Variants in IGF1R observed in about 807,000 individuals in gnomAD.
IGF1R encodes the protein insulin like growth factor 1 receptor.
A neutral mutation model predicts 144.6 loss-of-function variants in IGF1R; 44 were observed. The ratio of observed to expected loss-of-function variants is 0.30; its 90% CI spans 0.24 to 0.39. IGF1R has a LOEUF of 0.39. IGF1R is among the 10% of genes least tolerant of loss of function. The pLI is 1.00. For missense variants in IGF1R, 1,355 were observed against 1,833.7 expected (o/e 0.74, Z 4.77); for synonymous variants, 795 against 722.8 (o/e 1.10, Z -1.60).
chr15:98,823,379 G>T (rs2056837006), intron 2 of IGF1R, among the ~76,000 whole-genome samples: 1 of 152,176 alleles, frequency 6.6e-6, no homozygotes, highest in East Asian at 1.9e-4. Flanking sequence ...AGGAGTAATG[G>T]TTTAAGCTGT....
At chr15:98,790,759 A>G (rs556436198) in intron 2 of IGF1R, among the ~76,000 whole-genome samples, 1 of 152,366 alleles carries the variant, frequency 6.6e-6, no homozygotes, top group African/African-American at 2.4e-5. Context: ...CTACTGTCTT[A>G]CAAAATTTAG....
At chr15:98,736,140 A>G (rs910818520) in intron 2 of IGF1R, among the ~76,000 whole-genome samples, 1 of 152,218 alleles carries the variant, frequency 6.6e-6, no homozygotes, top group Non-Finnish European at 1.5e-5. Flanking sequence ...AAGAGTGGCG[A>G]TGATGGGAGA....
intron 2 of IGF1R, among the ~76,000 whole-genome samples, chr15:98,830,753 G>A (rs914412549): frequency 7.2e-5 from 11 of 152,004 alleles, no homozygotes; most frequent in East Asian, 3.9e-4. Context: ...ACAGGTGTGC[G>A]CCACCACACC....
chr15:98,690,410 C>G (rs1412795653), intron 1 of IGF1R, among the ~76,000 whole-genome samples: 2 of 152,106 alleles, frequency 1.3e-5, no homozygotes, highest in South Asian at 2.1e-4. Flanking sequence ...ACATGCCAGG[C>G]CCCTCCTCCT....
At chr15:98,650,134 G>T (rs909085961) in intron 1 of IGF1R, among the ~76,000 whole-genome samples, 4 of 152,168 alleles carry the variant, frequency 2.6e-5, no homozygotes, top group Non-Finnish European at 5.9e-5. Context: ...CCGCTGCTGG[G>T]GCTGACCGGG....
chr15:98,799,324 T>C (rs1358226227), intron 2 of IGF1R, among the ~76,000 whole-genome samples: 1 of 151,638 alleles, frequency 6.6e-6, no homozygotes, highest in African/African-American at 2.4e-5. Context: ...AAGGTTTCTT[T>C]GTAAGAGCTT....
At chr15:98,836,926 G>A (rs1000114192) in intron 2 of IGF1R, among the ~76,000 whole-genome samples, 1 of 152,192 alleles carries the variant, frequency 6.6e-6, no homozygotes, top group Non-Finnish European at 1.5e-5. Context: ...ACATCTGTGT[G>A]ATGTCAGCAT....
At chr15:98,680,877 T>TTG (rs386383976) in intron 1 of IGF1R, among the ~76,000 whole-genome samples, 1 of 151,882 alleles carries the variant, frequency 6.6e-6, no homozygotes, top group Non-Finnish European at 1.5e-5. Flanking sequence ...TTTTTTTTTT[T>TTG]TTATCCTTCT....
intron 2 of IGF1R, among the ~76,000 whole-genome samples, chr15:98,852,757 A>T (rs956825924): frequency 3.9e-5 from 6 of 151,910 alleles, no homozygotes; most frequent in Non-Finnish European, 8.8e-5. Context: ...GTTTCCCTCC[A>T]TGTCTGTTTT....
intron 19 of IGF1R, 72 bp from the exon 20 acceptor site, chr15:98,948,502 G>A: frequency 6.7e-7 from 1 of 1,493,058 alleles, no homozygotes; most frequent in Non-Finnish European, 9.3e-7. Context: ...TGTAAGAAGT[G>A]CTGGAAAGGA....
chr15:98,845,448 C>T (rs2011278867), intron 2 of IGF1R, among the ~76,000 whole-genome samples: 1 of 103,970 alleles, frequency 9.6e-6, no homozygotes, highest in Non-Finnish European at 2.0e-5. Flanking sequence ...TCCTCCTCCT[C>T]CCCTCCTTCC....
At chr15:98,786,714 A>AT (rs796405855) in intron 2 of IGF1R, among the ~76,000 whole-genome samples, 37 of 151,624 alleles carry the variant, frequency 2.4e-4, no homozygotes, top group African/African-American at 7.3e-4. Flanking sequence ...CACTCATAGG[A>AT]TTTTTTTTTA....
intron 1 of IGF1R, among the ~76,000 whole-genome samples, chr15:98,671,792 T>C (rs969610729): frequency 6.6e-6 from 1 of 152,126 alleles, no homozygotes. Context: ...AAAAAATAAA[T>C]AGCAAAATCC....
chr15:98,662,222 C>G (rs1437790902), intron 1 of IGF1R, among the ~76,000 whole-genome samples: 1 of 151,884 alleles, frequency 6.6e-6, no homozygotes, highest in Non-Finnish European at 1.5e-5. Flanking sequence ...CTCAAGCAAT[C>G]CACCGACCTC....
chr15:98,737,659 C>G (rs561527757), intron 2 of IGF1R, among the ~76,000 whole-genome samples: 2 of 152,306 alleles, frequency 1.3e-5, no homozygotes, highest in East Asian at 1.9e-4. Flanking sequence ...TGCCCCGTCC[C>G]CACAATATCT....
At chr15:98,682,555 C>CT (rs1258926510) in intron 1 of IGF1R, among the ~76,000 whole-genome samples, 10 of 150,808 alleles carry the variant, frequency 6.6e-5, no homozygotes, top group Admixed American at 2.6e-4. Flanking sequence ...TCTGGGTTGC[C>CT]TTTTTTTTTG....
At chr15:98,758,546 A>G (rs896259881) in intron 2 of IGF1R, among the ~76,000 whole-genome samples, 4 of 152,234 alleles carry the variant, frequency 2.6e-5, no homozygotes, top group African/African-American at 4.8e-5. Flanking sequence ...TCTTCCGACA[A>G]CATAAGGCTT....
intron 2 of IGF1R, chr15:98,890,856 T>C (rs1433022105): frequency 4.4e-6 from 1 of 225,826 alleles, no homozygotes; most frequent in Non-Finnish European, 8.9e-6. Context: ...AAAGTAAGCA[T>C]TTCTGCACAC....
intron 2 of IGF1R, among the ~76,000 whole-genome samples, chr15:98,833,722 T>C (rs530363025): frequency 7.9e-5 from 12 of 152,330 alleles, no homozygotes; most frequent in African/African-American, 2.9e-4. Context: ...TGCATGTTTT[T>C]GACAGGGAGA....
Sources: gnomAD v4.1 joint callset for allele counts (sites outside exome capture counted in the v4.1 genomes callset) on GRCh38, gnomAD v4.1.1 for gene constraint, MANE v1.5 for transcripts, NCBI Gene and HGNC (gene_info 2026-07-23, HGNC 2026-07-21) for gene names.